Variants in SEC24D observed in about 807,000 individuals in gnomAD.
SEC24D encodes the protein SEC24 homolog D, COPII component, also known as protein transport protein Sec24D.
SEC24D carries 69 observed loss-of-function variants against 116.9 expected under a neutral mutation model. That is an observed-to-expected ratio of 0.59 (90% CI 0.49 to 0.72). The LOEUF is 0.72. Ranked by LOEUF, SEC24D falls within the 30% of genes least tolerant of loss-of-function variation. The pLI, the probability that SEC24D is intolerant of heterozygous loss-of-function variation, is 0.00. For missense variants in SEC24D, 1,131 were observed against 1,264.1 expected (o/e 0.89, Z 1.60); for synonymous variants, 405 against 442.8 (o/e 0.91, Z 1.07).
intron 8 of SEC24D, among the ~76,000 whole-genome samples, chr4:118,778,842 GTATTT>G (rs1440483483): frequency 6.6e-6 from 1 of 152,072 alleles, no homozygotes; most frequent in African/African-American, 2.4e-5. Context: ...GGATTCCTAG[GTATTT>G]TATTCTCTTT....
chr4:118,819,598 T>A (rs1730308435), intron 3 of SEC24D, among the ~76,000 whole-genome samples: 1 of 148,184 alleles, frequency 6.7e-6, no homozygotes, highest in African/African-American at 2.5e-5. Context: ...ACAGGCAGAA[T>A]ATACATGTAC....
At chr4:118,738,497 G>T (rs1261255596) in intron 18 of SEC24D, 118 bp from the exon 19 acceptor site, 2 of 740,698 alleles carry the variant, frequency 2.7e-6, no homozygotes, top group East Asian at 2.7e-5. Context: ...AAGAATAATA[G>T]CATTTAAATC....
chr4:118,755,529 C>T (rs978578725), intron 11 of SEC24D, among the ~76,000 whole-genome samples: 3 of 149,404 alleles, frequency 2.0e-5, no homozygotes, highest in Non-Finnish European at 3.0e-5. Flanking sequence ...ACATTCAAAT[C>T]TTTTCTTTCC....
Position 118,744,107 on chromosome 4 carries a change from C to T in SEC24D, c.1876G>A (p.Val626Met), listed in dbSNP as rs763670327. 37 of 1,612,778 alleles carry T rather than the reference C, an allele frequency of 2.3e-5. No individual in the cohort carries two copies. In the East Asian group the frequency reaches 4.5e-4, roughly 19 times the overall value. ...NVYDSLAKDCVAHGCSVTLFL... is the reference protein window; with the variant it reads ...NVYDSLAKDCMAHGCSVTLFL... Reference sequence around the variant, plus strand: ...AGTGTCACAGAGCAGCCGTGAGCCACGCAGTCCTTGGCCAATGAGTCATAG... The same window carrying T: ...AGTGTCACAGAGCAGCCGTGAGCCATGCAGTCCTTGGCCAATGAGTCATAG... Residue 626 changes from valine (V) to methionine (M), a missense_variant, in exon 15 of 23, where the codon GTG becomes ATG. Physicochemically the swap from Val to Met is conservative, Grantham distance 21 (BLOSUM62 1). Transcript: ENST00000280551.
chr4:118,773,592 T>C (rs1408892798), intron 8 of SEC24D, among the ~76,000 whole-genome samples: 1 of 152,212 alleles, frequency 6.6e-6, no homozygotes, highest in African/African-American at 2.4e-5. Flanking sequence ...GGAAATGGTA[T>C]GTGAAAAGAT....
intron 11 of SEC24D, among the ~76,000 whole-genome samples, chr4:118,754,743 C>T (rs1381195388): frequency 1.3e-5 from 2 of 152,116 alleles, no homozygotes; most frequent in East Asian, 1.9e-4. Context: ...TGGCTAGAAG[C>T]ACTGACACCA....
intron 7 of SEC24D, among the ~76,000 whole-genome samples, chr4:118,800,166 T>A (rs1729371622): frequency 6.6e-6 from 1 of 152,098 alleles, no homozygotes; most frequent in Non-Finnish European, 1.5e-5. Flanking sequence ...TGGAATTTCC[T>A]TTCTGAAAGG....
chr4:118,754,251 A>G (rs17258106), intron 11 of SEC24D: 6,114 of 152,272 alleles, frequency 0.04, 184 homozygotes, highest in Non-Finnish European at 0.063. Context: ...CTAACTACAC[A>G]TACAACAGAC....
At chr4:118,829,541 G>A (rs946249136) in intron 2 of SEC24D, among the ~76,000 whole-genome samples, 6 of 152,026 alleles carry the variant, frequency 3.9e-5, no homozygotes, top group East Asian at 1.9e-4. Flanking sequence ...GGCCAGGCGC[G>A]GTGGCTCATG....
intron 22 of SEC24D, among the ~76,000 whole-genome samples, chr4:118,726,579 T>A (rs1237740844): frequency 2.0e-5 from 3 of 152,058 alleles, no homozygotes; most frequent in Non-Finnish European, 4.4e-5. Context: ...CTTGGAGAAG[T>A]GGCAGCTTCT....
intron 7 of SEC24D, among the ~76,000 whole-genome samples, chr4:118,802,543 A>C (rs1729489151): frequency 6.6e-6 from 1 of 152,216 alleles, no homozygotes; most frequent in African/African-American, 2.4e-5. Context: ...GGGGCTTCAT[A>C]GCAAAAGGGT....
At chr4:118,735,676 A>C (rs1461760756) in intron 19 of SEC24D, 1 of 150,230 alleles carries the variant, frequency 6.7e-6, no homozygotes, top group Non-Finnish European at 1.5e-5. Context: ...AAGCCTTATA[A>C]GCCTTAAAGT....
At chr4:118,813,634 AG>A (rs1340951704) in intron 6 of SEC24D, among the ~76,000 whole-genome samples, 16 of 152,248 alleles carry the variant, frequency 1.1e-4, no homozygotes, top group Non-Finnish European at 2.1e-4. Context: ...ACAAGGGCAG[AG>A]CCCTTACGAC....
chr4:118,741,089 A>C, intron 15 of SEC24D, 52 bp from the exon 16 acceptor site: 1 of 880,156 alleles, frequency 1.1e-6, no homozygotes, highest in African/African-American at 1.7e-5. Flanking sequence ...AAAATACTTA[A>C]AATAACGTTC....
intron 8 of SEC24D, among the ~76,000 whole-genome samples, chr4:118,793,945 T>A (rs1578443045): frequency 6.6e-6 from 1 of 152,188 alleles, no homozygotes; most frequent in Admixed American, 6.5e-5. Context: ...GAATAGAGTA[T>A]GTTATTTTCA....
chr4:118,785,358 A>G (rs1007602922), intron 8 of SEC24D, among the ~76,000 whole-genome samples: 5 of 152,212 alleles, frequency 3.3e-5, no homozygotes, highest in Non-Finnish European at 5.9e-5. Flanking sequence ...GGTCCTAGAA[A>G]TGCAATAGTG....
intron 15 of SEC24D, 57 bp from the exon 16 acceptor site, chr4:118,741,094 A>G: frequency 1.2e-6 from 1 of 849,968 alleles, no homozygotes; most frequent in Non-Finnish European, 1.8e-6. Context: ...ACTTAAAATA[A>G]CGTTCTCATT....
chr4:118,726,697 GAGAA>G (rs1725431270), intron 22 of SEC24D, among the ~76,000 whole-genome samples: 1 of 152,216 alleles, frequency 6.6e-6, no homozygotes, highest in African/African-American at 2.4e-5. Flanking sequence ...TTGGAGCACA[GAGAA>G]CTGTGCAGGG....
intron 9 of SEC24D, chr4:118,766,562 A>G (rs1307355690): frequency 1.3e-5 from 2 of 152,202 alleles, no homozygotes; most frequent in Admixed American, 6.6e-5. Flanking sequence ...TTGAGACACA[A>G]GAATTCTGAG....
Sources: allele counts gnomAD v4.1 joint callset (sites outside exome capture counted in the v4.1 genomes callset), GRCh38; gene constraint gnomAD v4.1.1; transcripts MANE v1.5; gene names NCBI Gene and HGNC (gene_info 2026-07-23, HGNC 2026-07-21).